The following PRKD3 variants were observed in gnomAD, a reference collection of about 807,000 sequenced individuals.
PRKD3 encodes the protein serine/threonine-protein kinase D3.
Under a neutral mutation model 99.2 loss-of-function variants are expected in PRKD3, and 47 were observed. That is an observed-to-expected ratio of 0.47 (90% CI 0.38 to 0.60). The LOEUF is 0.60. Among genes scored for constraint, PRKD3 ranks in the 20% least tolerant of loss-of-function variants. The probability of loss-of-function intolerance (pLI) is 0.00; values close to 1 mark genes in which losing one functional copy is unlikely to be tolerated. For missense variants in PRKD3, 1,019 were observed against 1,088.4 expected (o/e 0.94, Z 0.90); for synonymous variants, 392 against 355.4 (o/e 1.10, Z -1.16).
At chr2:37,295,028 T>C (rs72792835) in intron 2 of PRKD3, among the ~76,000 whole-genome samples, 21,931 of 152,222 alleles carry the variant, frequency 0.14, 1,745 homozygotes, top group South Asian at 0.27. Flanking sequence ...TGAGCCAAGA[T>C]TGCACAACTG....
At chr2:37,311,317 A>T (rs950932833) in intron 2 of PRKD3, among the ~76,000 whole-genome samples, 1 of 152,182 alleles carries the variant, frequency 6.6e-6, no homozygotes, top group Non-Finnish European at 1.5e-5. Context: ...TTGTACCTTT[A>T]TTTCAGGACT....
At chr2:37,272,037 G>C (rs1669300958) in intron 12 of PRKD3, among the ~76,000 whole-genome samples, 1 of 152,102 alleles carries the variant, frequency 6.6e-6, no homozygotes, top group South Asian at 2.1e-4. Flanking sequence ...ACTTCTGTCA[G>C]TAATCCATTC....
intron 8 of PRKD3, 52 bp from the exon 9 acceptor site, chr2:37,278,041 T>C (rs776763388): frequency 1.3e-6 from 2 of 1,493,218 alleles, no homozygotes; most frequent in Non-Finnish European, 1.8e-6. Flanking sequence ...AAAAATCATA[T>C]AAATACTGTA....
At chr2:37,291,521 A>T (rs1021706243) in intron 3 of PRKD3, among the ~76,000 whole-genome samples, 1 of 152,134 alleles carries the variant, frequency 6.6e-6, no homozygotes, top group African/African-American at 2.4e-5. Context: ...ACTTCCTCTC[A>T]CCTCAACCTG....
intron 1 of PRKD3, among the ~76,000 whole-genome samples, chr2:37,323,425 A>G (rs1365998347): frequency 2.0e-5 from 3 of 151,958 alleles, no homozygotes; most frequent in Non-Finnish European, 4.4e-5. Context: ...CTACCTACTG[A>G]AGAAAAACCT....
Position 37,251,602 on chromosome 2 carries a change from T to C in PRKD3, c.*1575A>G, listed in dbSNP as rs556017911. 1.3e-5 allele frequency: 2 copies of C among 152,468 alleles called. No homozygotes were observed. Among genetic ancestry groups the C allele is most frequent in the South Asian group, 2.1e-4 (1 of 4,828 alleles). The allele number at this position is 152,468 out of a possible 1,614,324, so 9.4% of individuals were successfully genotyped here. ...TCGAAAGGCCTTCTCAGTCTGTTCA[T>C]GTACCAGAACATTCTTTTTTTTTTT... On this transcript the variant is annotated 3_prime_UTR_variant, in exon 19 of 19. Coordinates refer to ENST00000234179, the MANE Select transcript of PRKD3 (RefSeq NM_005813.6).
chr2:37,297,215 A>G (rs1670713768), intron 2 of PRKD3, among the ~76,000 whole-genome samples: 1 of 152,208 alleles, frequency 6.6e-6, no homozygotes, highest in Non-Finnish European at 1.5e-5. Context: ...AAGGATGCTT[A>G]GGCTATCATT....
intron 8 of PRKD3, chr2:37,278,685 T>G (rs1394931802): frequency 6.6e-6 from 1 of 152,262 alleles, no homozygotes; most frequent in Non-Finnish European, 1.5e-5. Flanking sequence ...ACGCCTATAA[T>G]CCCACCACTT....
chr2:37,282,639 C>A lies in PRKD3; in HGVS notation c.911-20G>T, dbSNP rs1408512665. The stretch of plus-strand genomic sequence containing the variant: ...TGCAATCTAAAATGAAAATATTCAG[C>A]ATATTAATTTATGTAAAAGTCAAGC... On this transcript the variant is annotated intron_variant, in intron 6 of 18. Coordinates refer to ENST00000234179, the MANE Select transcript of PRKD3 (RefSeq NM_005813.6). The A allele has an allele frequency of 5.2e-6, 8 of 1,525,502 alleles. No individual in the cohort carries two copies. The highest frequency in any genetic ancestry group is 7.3e-6 in the Non-Finnish European group (8 of 1,101,104). The allele number at this position is 1,525,502 out of a possible 1,614,324, so 94.5% of individuals were successfully genotyped here.
At chr2:37,303,284 C>T (rs1671018154) in intron 2 of PRKD3, among the ~76,000 whole-genome samples, 1 of 152,122 alleles carries the variant, frequency 6.6e-6, no homozygotes, top group South Asian at 2.1e-4. Context: ...TCTGGGGGAT[C>T]TCATTGTTCT....
At chr2:37,296,430 G>C (rs539283724) in intron 2 of PRKD3, among the ~76,000 whole-genome samples, 2 of 151,894 alleles carry the variant, frequency 1.3e-5, no homozygotes, top group East Asian at 1.9e-4. Flanking sequence ...GAAAGCTGTT[G>C]GTAATGATAA....
intron 2 of PRKD3, among the ~76,000 whole-genome samples, chr2:37,294,523 G>T (rs1572679739): frequency 6.6e-6 from 1 of 152,090 alleles, no homozygotes; most frequent in South Asian, 2.1e-4. Context: ...TAGAATTTTT[G>T]TAATACTAAT....
At chr2:37,296,528 T>C (rs896144921) in intron 2 of PRKD3, among the ~76,000 whole-genome samples, 3 of 152,124 alleles carry the variant, frequency 2.0e-5, no homozygotes, top group African/African-American at 7.2e-5. Context: ...AAAAATGTAA[T>C]AGCCAGCCTG....
chr2:37,316,629 T>C lies in PRKD3; in HGVS notation c.-105A>G. ...AAGAAAATGACCGCACTTTTGGATT[T>C]AGTTGAAAACTTCTTTATTTCCTCT... On this transcript the variant is annotated 5_prime_UTR_variant, in exon 2 of 19. Coordinates refer to ENST00000234179, the MANE Select transcript of PRKD3 (RefSeq NM_005813.6). 1 of 1,493,428 alleles carries C rather than the reference T, an allele frequency of 6.7e-7. No individual in the cohort carries two copies. Among genetic ancestry groups the C allele is most frequent in the Non-Finnish European group, 8.9e-7 (1 of 1,128,806 alleles). 92.5% of individuals were successfully genotyped at this position (1,493,428 alleles called of 1,614,324 possible).
At chr2:37,254,080 C>A in intron 18 of PRKD3, 124 bp downstream of exon 18, 1 of 698,746 alleles carries the variant, frequency 1.4e-6, no homozygotes. Flanking sequence ...AGCCATAGTA[C>A]AAATTAATCA....
intron 9 of PRKD3, 124 bp downstream of exon 9, chr2:37,277,742 C>A: frequency 1.0e-6 from 1 of 979,852 alleles, no homozygotes; most frequent in Non-Finnish European, 1.4e-6. Flanking sequence ...GCATCTTTTA[C>A]AAATTGCTGT....
Position 37,259,604 on chromosome 2 carries a change from T to G in PRKD3, c.2124A>C (p.Ala708=). The change falls in exon 16 of 19, where the codon GCA becomes GCC. Residue 708 remains alanine, a synonymous_variant. Coordinates refer to ENST00000234179, the MANE Select transcript of PRKD3 (RefSeq NM_005813.6). ...TCACCTGAGGAAATGGCTCTGCTGA[T>G]GCAAGCAGCACATTTTCTGGCTTTA... ...CDLKPENVLL[A]SAEPFPQVKL... 6.2e-7 allele frequency: 1 copy of G among 1,613,036 alleles called. No individual in the cohort carries two copies. Among genetic ancestry groups the G allele is most frequent in the Non-Finnish European group, 8.5e-7 (1 of 1,179,022 alleles).
rs1174542256 is a variant in PRKD3 at position 37,251,298 on chromosome 2, A to G, written c.*1879T>C. On this transcript the variant is annotated 3_prime_UTR_variant, in exon 19 of 19. Coordinates refer to ENST00000234179, the MANE Select transcript of PRKD3 (RefSeq NM_005813.6). Reference sequence around the variant, plus strand: ...ATGTTTCCTGGAGGTATTTATGGGTAGATAGTACAGCATAATGGTTGGGAG... The same window carrying G: ...ATGTTTCCTGGAGGTATTTATGGGTGGATAGTACAGCATAATGGTTGGGAG... The G allele has an allele frequency of 6.6e-6, 1 of 152,600 alleles. No individual in the cohort carries two copies. Among genetic ancestry groups the G allele is most frequent in the Admixed American group, 6.5e-5 (1 of 15,278 alleles). The allele number at this position is 152,600 out of a possible 1,614,324, so 9.5% of individuals were successfully genotyped here. A position where few individuals can be genotyped will look rare whatever the true frequency, so the allele number is the denominator to read the frequency against.
rs149244353 is a variant in PRKD3 at position 37,318,192 on chromosome 2, A to G, written c.-655-1013T>C. ...GACAGAAGGGCAAAAGCACACAACT[A>G]TAGTATTAGGAATGGGAAAGCTCAG... On this transcript the variant is annotated intron_variant, in intron 1 of 18. Transcript: ENST00000234179. Among the ~76,000 whole-genome samples, 245 of 152,292 alleles carry G rather than the reference A, an allele frequency of 1.6e-3. 2 individuals carry two copies. The highest frequency in any genetic ancestry group is 5.7e-3 in the African/African-American group (236 of 41,558).
Sources: allele counts gnomAD v4.1 joint callset (sites outside exome capture counted in the v4.1 genomes callset), GRCh38; gene constraint gnomAD v4.1.1; transcripts MANE v1.5; gene names NCBI Gene and HGNC (gene_info 2026-07-23, HGNC 2026-07-21).